Variants in OBSL1 observed in about 807,000 individuals in gnomAD.
OBSL1 encodes the protein obscurin like cytoskeletal adaptor 1.
In OBSL1, 160 loss-of-function variants were observed where a neutral mutation model predicts 172.0. The observed-to-expected ratio is 0.93, with a 90% CI of 0.82 to 1.06. OBSL1 has a LOEUF of 1.06. Ranked by LOEUF, OBSL1 falls within the 50% of genes least tolerant of loss-of-function variation. OBSL1 has a pLI of 0.00. For missense variants in OBSL1, 2,681 were observed against 2,715.4 expected (o/e 0.99, Z 0.28); for synonymous variants, 1,200 against 1,196.3 (o/e 1.00, Z -0.06).
chr2:219,555,514 A>T, intron 14 of OBSL1: 1 of 493,766 alleles, frequency 2.0e-6, no homozygotes, highest in Non-Finnish European at 2.6e-6. Context: ...TCCTGGCCTC[A>T]AGGGATCCTC....
rs1286456029 is a variant in OBSL1, at chr2:219,550,772, C to T, written c.*63G>A. The T allele has an allele frequency of 4.4e-6, 7 of 1,589,374 alleles. No individual in the cohort carries two copies. In the South Asian group the frequency reaches 8.0e-5, roughly 18 times the overall value. On this transcript the variant is annotated 3_prime_UTR_variant, in exon 21 of 21. Transcript: ENST00000404537. ...TGTTCCTTGTCTCTCTACCCCTGCC[C>T]AGGGTAAGGGCAAACGCCTTCCAAG...
At chr2:219,552,423 C>T (rs1015135367) in intron 18 of OBSL1, 113 bp downstream of exon 18, 2 of 1,121,584 alleles carry the variant, frequency 1.8e-6, no homozygotes, top group African/African-American at 3.1e-5. Context: ...GCTCACAGGG[C>T]CGTGGGGCGG....
chr2:219,552,476 G>C, intron 18 of OBSL1, 60 bp downstream of exon 18: 8 of 1,495,454 alleles, frequency 5.3e-6, no homozygotes, highest in Non-Finnish European at 7.2e-6. Context: ...GGTGGGGCGG[G>C]ATCTGTTCGA....
chr2:219,551,417 C>G, intron 20 of OBSL1, 112 bp downstream of exon 20: 1 of 1,344,734 alleles, frequency 7.4e-7, no homozygotes, highest in Non-Finnish European at 1.0e-6. Context: ...TCCTACGTAT[C>G]CCAGGACCCG....
At chr2:219,557,114 T>A (rs908448313) in intron 12 of OBSL1, 19 of 503,736 alleles carry the variant, frequency 3.8e-5, no homozygotes, top group African/African-American at 3.1e-4. Flanking sequence ...GGCTGGAACC[T>A]GGCTGGGTGG....
At position 219,568,341 on chromosome 2, in the gene OBSL1, G is replaced by A. The variant is rs1295779938; in HGVS notation, c.1013-17C>T. On this transcript the variant is annotated splice_polypyrimidine_tract_variant and intron_variant, in intron 1 of 20. Transcript: ENST00000404537. The surrounding 1 kb of genome is among the most constrained non-coding windows in gnomAD (Gnocchi z 4.1). ...GGCGGGGCTCTGTGGAGAGGGGAGA[G>A]AGAGACAAGAGAGGGCTCTGGAGAA... 1 of 1,587,128 alleles carries A rather than the reference G, an allele frequency of 6.3e-7. No homozygotes were observed. Among genetic ancestry groups the A allele is most frequent in the Admixed American group, 1.8e-5 (1 of 56,622 alleles).
chr2:219,551,412 C>T (rs1695602114), intron 20 of OBSL1, 117 bp downstream of exon 20: 2 of 1,342,914 alleles, frequency 1.5e-6, no homozygotes, highest in Non-Finnish European at 2.0e-6. Context: ...CCACCTCCTA[C>T]GTATCCCAGG....
At chr2:219,561,340 G>A (rs1359710154) in intron 8 of OBSL1, among the ~76,000 whole-genome samples, 1 of 152,030 alleles carries the variant, frequency 6.6e-6, no homozygotes, top group African/African-American at 2.4e-5. Flanking sequence ...GCTGTGAGCC[G>A]TCACCCCGAG....
chr2:219,565,537 A>G, intron 5 of OBSL1, 23 bp from the exon 6 acceptor site: 4 of 1,597,154 alleles, frequency 2.5e-6, no homozygotes, highest in Non-Finnish European at 3.4e-6. Flanking sequence ...AAGTACAGAT[A>G]AGCACCCCTC....
chr2:219,564,062 T>C (rs34145116), intron 6 of OBSL1, among the ~76,000 whole-genome samples: 7 of 152,122 alleles, frequency 4.6e-5, no homozygotes, highest in Non-Finnish European at 8.8e-5. Flanking sequence ...ACTCTCCAGG[T>C]AGTGGGTTCC....
At chr2:219,565,154 C>T in intron 6 of OBSL1, 88 bp downstream of exon 6, 1 of 1,402,428 alleles carries the variant, frequency 7.1e-7, no homozygotes, top group African/African-American at 1.4e-5. Context: ...AAGGACTCCC[C>T]CAAGTAGGCA....
chr2:219,562,434 T>C lies in OBSL1; in HGVS notation c.2921A>G (p.Asp974Gly), dbSNP rs1696548433. Residue 974 changes from aspartate to glycine, a missense_variant, in exon 8 of 21, where the codon GAT becomes GGT. Physicochemically the swap from Asp to Gly is moderately conservative, Grantham distance 94. Transcript: ENST00000404537. ...GGTGACAGTGAAGGAGGCCGACTCA[T>C]CGTCAATTTCACACAAGTACTCGCC... Reference protein sequence around the residue: ...DSGEYLCEIDDESASFTVTVT... With the variant: ...DSGEYLCEIDGESASFTVTVT... The C allele has an allele frequency of 6.2e-7, 1 of 1,613,768 alleles. No individual in the cohort carries two copies. Among genetic ancestry groups the C allele is most frequent in the Non-Finnish European group, 8.5e-7 (1 of 1,179,862 alleles).
Position 219,551,793 on chromosome 2 carries a change from G to T in OBSL1, c.5419C>A (p.Pro1807Thr). The change falls in exon 20 of 21, where the codon CCT (proline) becomes ACT (threonine). Residue 1807 changes from proline (P) to threonine (T), a missense_variant. Pro to Thr is a conservative substitution (Grantham distance 38). Around this residue, in one of 5 missense-constraint regions of OBSL1, gnomAD observed 1,765 missense variants for 1,748.3 expected, o/e 1.01. Transcript: ENST00000404537. ...SLALLEVEAL[P>T]LQMCRHPPRE... is the part of the protein sequence containing the mutation. The stretch of plus-strand genomic sequence containing the variant: ...GGGGGGTGGCGGCACATCTGGAGAG[G>T]CAATGCTGGGGGTAGGGGGCGGGGG... The T allele has an allele frequency of 6.4e-7, 1 of 1,574,260 alleles. No individual in the cohort carries two copies. Among genetic ancestry groups the T allele is most frequent in the Non-Finnish European group, 8.6e-7 (1 of 1,157,236 alleles).
intron 8 of OBSL1, among the ~76,000 whole-genome samples, chr2:219,561,413 T>C (rs1447897422): frequency 3.3e-5 from 5 of 152,072 alleles, no homozygotes; most frequent in Admixed American, 2.0e-4. Context: ...CTTTGAATAT[T>C]CCCCCACACC....
Position 219,570,779 on chromosome 2 carries a change from C to A in OBSL1, c.454G>T (p.Gly152Trp). ...TACAGTGTGGGCTCGGGGAGGCCCC[C>A]CGCCCGGCACGTCAGCACCACCTCC... is the stretch of plus-strand genomic sequence containing the variant. ...GAEVVLTCRA[G>W]GLPEPTLYWE... Residue 152 changes from glycine (G) to tryptophan (W), a missense_variant, in exon 1 of 21, where the codon GGG (glycine) becomes TGG (tryptophan). Physicochemically the swap from Gly to Trp is radical, Grantham distance 184. This residue lies in a region of OBSL1 where 706 missense variants were observed against 695.8 expected (regional missense o/e 1.01). Coordinates refer to ENST00000404537, the MANE Select transcript of OBSL1 (RefSeq NM_015311.3). 1 of 1,492,592 alleles carries A rather than the reference C, an allele frequency of 6.7e-7. No individual in the cohort carries two copies. The highest frequency in any genetic ancestry group is 8.9e-7 in the Non-Finnish European group (1 of 1,128,456). The allele number at this position is 1,492,592 out of a possible 1,614,324, so 92.5% of individuals were successfully genotyped here. A position where few individuals can be genotyped will look rare whatever the true frequency, so the allele number is the denominator to read the frequency against.
chr2:219,569,961 A>G (rs1697213392), intron 1 of OBSL1, among the ~76,000 whole-genome samples: 1 of 152,218 alleles, frequency 6.6e-6, no homozygotes, highest in Non-Finnish European at 1.5e-5. Flanking sequence ...GGATTTGTAC[A>G]TCAATCACTC....
chr2:219,567,913 C>T lies in OBSL1; in HGVS notation c.1339G>A (p.Val447Met). The T allele has an allele frequency of 6.2e-7, 1 of 1,613,892 alleles. No individual in the cohort carries two copies. Among genetic ancestry groups the T allele is most frequent in the Non-Finnish European group, 8.5e-7 (1 of 1,179,902 alleles). Residue 447 changes from valine to methionine, a missense_variant, in exon 3 of 21, where the codon GTG becomes ATG. Around this residue, in one of 5 missense-constraint regions of OBSL1, gnomAD observed 706 missense variants for 695.8 expected, o/e 1.01. Coordinates refer to ENST00000404537, the MANE Select transcript of OBSL1 (RefSeq NM_015311.3). ...GCCTCTAGAGTTTCCACTAGCAGCA[C>T]AGCATTCTCTCCTTCCAGGACGTCG... is the stretch of plus-strand genomic sequence containing the variant. ...KLDVLEGENA[V>M]LLVETLEAGV...
At chr2:219,547,632 T>C (rs775548429), downstream of OBSL1, 3 of 1,515,700 alleles carry the variant, frequency 2.0e-6, no homozygotes, top group South Asian at 3.9e-5. Context: ...AGCGCGGGCA[T>C]CGCTCTGGGC....
intron 9 of OBSL1, 106 bp from the exon 10 acceptor site, chr2:219,558,565 A>G: frequency 7.7e-7 from 1 of 1,300,788 alleles, no homozygotes; most frequent in Non-Finnish European, 1.0e-6. Flanking sequence ...GCTCTTGAGA[A>G]CAGTGCCAGC....
Sources: allele counts gnomAD v4.1 joint callset (sites outside exome capture counted in the v4.1 genomes callset), GRCh38; gene constraint gnomAD v4.1.1; regional missense constraint gnomAD v4.1.1; non-coding constraint Gnocchi (gnomAD v3.1); transcripts MANE v1.5; gene names NCBI Gene and HGNC (gene_info 2026-07-23, HGNC 2026-07-21).